Variants in MGAT4B observed in about 807,000 individuals in gnomAD.
MGAT4B encodes the protein N-acetylglucosaminyltransferase IVb.
Under a neutral mutation model 73.9 loss-of-function variants are expected in MGAT4B, and 38 were observed. That is an observed-to-expected ratio of 0.51 (90% confidence interval 0.40 to 0.67). The LOEUF (loss-of-function observed/expected upper bound fraction) is 0.67. MGAT4B is among the 30% of genes least tolerant of loss of function. MGAT4B has a pLI of 0.00. For missense variants in MGAT4B, 686 were observed against 735.2 expected, an observed-to-expected ratio of 0.93 and a Z score of 0.77; for synonymous variants, 373 against 313.5, an observed-to-expected ratio of 1.19 and a Z score of -2.01.
chr5:179,802,117 G>C (rs779208008), intron 1 of MGAT4B, 148 bp from the exon 2 acceptor site: 1 of 1,541,390 alleles, frequency 6.5e-7, no homozygotes, highest in Non-Finnish European at 8.7e-7. Context: ...GACATAGCTG[G>C]GGTCACTCTA....
rs1756912365 is a variant in MGAT4B at position 179,801,288 on chromosome 5, G to A, written c.558+46C>T. The A allele has an allele frequency of 1.3e-6, 2 of 1,575,830 alleles. No homozygotes were observed. The highest frequency in any genetic ancestry group is 2.3e-5 in the South Asian group (2 of 88,258). ...TTCCTGCTGTCAGTTCTGCACCGCG[G>A]GGGCTCCTCTGAATGTCCCCCAACC... On this transcript the variant is annotated intron_variant, in intron 4 of 14. Transcript: ENST00000292591. The surrounding 1 kb of genome is among the most constrained non-coding windows in gnomAD (Gnocchi z 4.8).
intron 11 of MGAT4B, 55 bp downstream of exon 11, chr5:179,798,873 C>A (rs1756777632): frequency 6.3e-7 from 1 of 1,597,962 alleles, no homozygotes; most frequent in Non-Finnish European, 8.6e-7. Context: ...GAAGCCTACA[C>A]CCTGGGGGCC....
intron 1 of MGAT4B, among the ~76,000 whole-genome samples, chr5:179,804,759 C>G (rs535898336): frequency 6.6e-6 from 1 of 152,286 alleles, no homozygotes; most frequent in African/African-American, 2.4e-5. Context: ...CTCCGACTGG[C>G]TACGTCTGGT....
Position 179,798,599 on chromosome 5 carries a change from C to T in MGAT4B, c.1344-8G>A, listed in dbSNP as rs780816442. The T allele has an allele frequency of 1.2e-6, 2 of 1,613,168 alleles. No homozygotes were observed. Among genetic ancestry groups the T allele is most frequent in the Middle Eastern group, 1.6e-4 (1 of 6,062 alleles). ...CCACTGCGGAAGAAGAACCTGCAGC[C>T]AGGCAGGCCTGTGAGCTGCTGCAGG... On this transcript the variant is annotated splice_polypyrimidine_tract_variant and splice_region_variant and intron_variant, in intron 11 of 14. Coordinates refer to ENST00000292591, the MANE Select transcript of MGAT4B (RefSeq NM_014275.5).
rs775406310 is a variant in MGAT4B at position 179,798,004 on chromosome 5, G to A, written c.*41C>T. The A allele has an allele frequency of 1.2e-5, 19 of 1,593,338 alleles. 1 individual carries two copies. In the South Asian group the frequency reaches 1.8e-4, roughly 15 times the overall value. On this transcript the variant is annotated 3_prime_UTR_variant, in exon 15 of 15. Transcript: ENST00000292591. ...AGTGACGACACCCCCAGAAATGTGG[G>A]CTTCAGGGCTGGCCACAGGGTACCC...
chr5:179,801,905 C>A lies in MGAT4B; in HGVS notation c.162G>T (p.Glu54Asp). 3 of 1,613,340 alleles carry A rather than the reference C, an allele frequency of 1.9e-6. No homozygotes were observed. The highest frequency in any genetic ancestry group is 2.5e-6 in the Non-Finnish European group (3 of 1,179,928). ...CCTTGGAGCGCTTGAGGCTCTCCTG[C>A]TCAGCTGCGTGCAACCGATCGCGCA... ...LALRDRLHAA[E>D]QESLKRSKEL... Residue 54 changes from glutamate (E) to aspartate (D), a missense_variant, in exon 2 of 15, where the codon GAG becomes GAT. By Grantham distance (45) the Glu-to-Asp change is conservative. Transcript: ENST00000292591. This position sits in a 1 kb window ranked among gnomAD's most constrained non-coding sequence, Gnocchi z 4.8.
At chr5:179,802,197 C>T in intron 1 of MGAT4B, 3 of 1,484,366 alleles carry the variant, frequency 2.0e-6, no homozygotes, top group Non-Finnish European at 8.9e-7. Flanking sequence ...TACTCTCCCC[C>T]ACCGGGGGTT....
chr5:179,806,657 G>T lies in MGAT4B; in HGVS notation c.-74C>A. 1.2e-6 allele frequency: 1 copy of T among 807,650 alleles called. No homozygotes were observed. The highest frequency in any genetic ancestry group is 1.5e-6 in the Non-Finnish European group (1 of 662,524). The allele number at this position is 807,650 out of a possible 1,614,324, so 50.0% of individuals were successfully genotyped here. On this transcript the variant is annotated 5_prime_UTR_variant, in exon 1 of 15. Coordinates refer to ENST00000292591, the MANE Select transcript of MGAT4B (RefSeq NM_014275.5). The surrounding 1 kb of genome is among the most constrained non-coding windows in gnomAD (Gnocchi z 4.6). ...GGGGGACCGGGGCCGGGGCGCAGGG[G>T]TCGGAAGGCGGCGGCGGCGGCGGCA... is the stretch of plus-strand genomic sequence containing the variant.
chr5:179,800,894 C>T lies in MGAT4B; in HGVS notation c.605+13G>A, dbSNP rs375847888. ...TCTCCCGCCACCAGCTCTCTGGGGT[C>T]GCCAGTACTCACAAGGCCTTGATGT... is the stretch of plus-strand genomic sequence containing the variant. On this transcript the variant is annotated intron_variant, in intron 5 of 14. Coordinates refer to ENST00000292591, the MANE Select transcript of MGAT4B (RefSeq NM_014275.5). 18 of 1,613,014 alleles carry T rather than the reference C, an allele frequency of 1.1e-5. No homozygotes were observed. The highest frequency in any genetic ancestry group is 2.2e-5 in the East Asian group (1 of 44,848).
At chr5:179,799,921 G>T in intron 8 of MGAT4B, 33 bp downstream of exon 8, 2 of 1,573,964 alleles carry the variant, frequency 1.3e-6, no homozygotes, top group Non-Finnish European at 1.7e-6. Context: ...AGGTGGGACT[G>T]AAAGGCACCG....
At chr5:179,802,216 C>A in intron 1 of MGAT4B, 1 of 1,465,002 alleles carries the variant, frequency 6.8e-7, no homozygotes, top group East Asian at 2.4e-5. Flanking sequence ...TTATTTTATC[C>A]TCTGAGAAGG....
chr5:179,799,128 C>T lies in MGAT4B; in HGVS notation c.1150-7G>A, dbSNP rs749485704. On this transcript the variant is annotated splice_region_variant and splice_polypyrimidine_tract_variant and intron_variant, in intron 10 of 14. Transcript: ENST00000292591. ...GCTTTCCAAAGTCTTTGTCCTGCAG[C>T]GGAGGAGGGACAGCAGTGATGGCGT... The T allele has an allele frequency of 3.8e-5, 61 of 1,613,818 alleles. No homozygotes were observed. In the Middle Eastern group the frequency reaches 6.6e-4, roughly 17 times the overall value.
At position 179,797,935 on chromosome 5, in the gene MGAT4B, C is replaced by A. The variant is rs1380824818; in HGVS notation, c.*110G>T. 3.4e-6 allele frequency: 5 copies of A among 1,458,044 alleles called. No homozygotes were observed. Among genetic ancestry groups the A allele is most frequent in the Non-Finnish European group, 4.7e-6 (5 of 1,066,786 alleles). The allele number at this position is 1,458,044 out of a possible 1,614,324, so 90.3% of individuals were successfully genotyped here. On this transcript the variant is annotated 3_prime_UTR_variant, in exon 15 of 15. Coordinates refer to ENST00000292591, the MANE Select transcript of MGAT4B (RefSeq NM_014275.5). ...AGGCCGGCCCAAGCCCGACGCCAGG[C>A]AGAACCCTTTGGGCGGGGCCGTATC...
intron 1 of MGAT4B, chr5:179,805,148 G>A (rs1351842733): frequency 6.6e-6 from 1 of 152,272 alleles, no homozygotes; most frequent in Non-Finnish European, 1.5e-5. Context: ...TTGCAGAGGT[G>A]GCTCCTGACA....
rs762638088 is a variant in MGAT4B at position 179,801,398 on chromosome 5, G to A, written c.494C>T (p.Ser165Leu). The A allele has an allele frequency of 1.2e-6, 2 of 1,612,740 alleles. No individual in the cohort carries two copies. The highest frequency in any genetic ancestry group is 1.7e-6 in the Non-Finnish European group (2 of 1,179,564). ...CTGCGGGCTCAGCTCGGAGATGAGC[G>A]AGTGCAGAGTGTCAGTCAGGTACGA... ...VHSYLTDTLHSLISELSPQEK... is the reference protein window; with the variant it reads ...VHSYLTDTLHLLISELSPQEK... The change falls in exon 4 of 15, where the codon TCG becomes TTG. Residue 165 changes from serine (S) to leucine (L), a missense_variant. Physicochemically the swap from Ser to Leu is moderately radical, Grantham distance 145. This residue lies in a region of MGAT4B where 449 missense variants were observed against 536.8 expected (regional missense o/e 0.84). Coordinates refer to ENST00000292591, the MANE Select transcript of MGAT4B (RefSeq NM_014275.5). The surrounding 1 kb of genome is among the most constrained non-coding windows in gnomAD (Gnocchi z 4.8).
chr5:179,802,829 C>A (rs1348260037), intron 1 of MGAT4B: 3 of 985,464 alleles, frequency 3.0e-6, no homozygotes, highest in Non-Finnish European at 1.2e-6. Flanking sequence ...TGCCCACAGT[C>A]CACGCAGCAG....
intron 1 of MGAT4B, among the ~76,000 whole-genome samples, chr5:179,805,571 A>G (rs1373161680): frequency 6.6e-6 from 1 of 152,220 alleles, no homozygotes; most frequent in African/African-American, 2.4e-5. Flanking sequence ...GCGTGGGTAG[A>G]TGGAGCTCGG....
At chr5:179,800,998 A>G in intron 4 of MGAT4B, 45 bp from the exon 5 acceptor site, 2 of 1,605,432 alleles carry the variant, frequency 1.2e-6, no homozygotes, top group Non-Finnish European at 1.7e-6. Flanking sequence ...CTGCTGCCCC[A>G]AAAGGCCTGG....
At chr5:179,805,869 C>G (rs1460560036) in intron 1 of MGAT4B, among the ~76,000 whole-genome samples, 1 of 152,204 alleles carries the variant, frequency 6.6e-6, no homozygotes, top group East Asian at 1.9e-4. Flanking sequence ...TGCAAGAGCG[C>G]TGGGCGCACG....
Sources: gnomAD v4.1 joint callset for allele counts (sites outside exome capture counted in the v4.1 genomes callset) on GRCh38, gnomAD v4.1.1 for gene constraint, gnomAD v4.1.1 regional missense constraint, Gnocchi (gnomAD v3.1) non-coding constraint, MANE v1.5 for transcripts, NCBI Gene and HGNC (gene_info 2026-07-23, HGNC 2026-07-21) for gene names.